DCUN1D3: variants seen among roughly 807,000 people sequenced by gnomAD.
The protein encoded by DCUN1D3 is defective in cullin neddylation 1 domain containing 3.
DCUN1D3 carries 6 observed loss-of-function variants against 24.8 expected under a neutral mutation model. The observed-to-expected ratio is 0.24, with a 90% CI of 0.13 to 0.48. The LOEUF (loss-of-function observed/expected upper bound fraction) is 0.48, where lower values mean the gene tolerates loss of function less well. Ranked by LOEUF, DCUN1D3 falls within the 20% of genes least tolerant of loss-of-function variation. The pLI is 0.99. For missense variants in DCUN1D3, 258 were observed against 379.4 expected (o/e 0.68, Z 2.66); for synonymous variants, 120 against 144.9 (o/e 0.83, Z 1.24).
Position 20,872,473 on chromosome 16 carries a change from TA to T in DCUN1D3, c.-105-9831del, listed in dbSNP as rs539641152. The stretch of plus-strand genomic sequence containing the variant: ...CAACCTCTTAATGTTTGCTAATTCT[TA>T]AAAAAAAAAAAAAAAATCTAAATCC... On this transcript the variant is annotated intron_variant, in intron 1 of 2. Coordinates refer to ENST00000324344, the MANE Select transcript of DCUN1D3 (RefSeq NM_173475.4). Among the ~76,000 whole-genome samples the T allele has an allele frequency of 9.6e-3, 1,319 of 138,082 alleles. 4 individuals carry two copies. The highest frequency in any genetic ancestry group is 0.034 in the South Asian group (151 of 4,382). The allele number at this position is 138,082 out of a possible 152,430, so 90.6% of individuals were successfully genotyped here.
At position 20,860,444 on chromosome 16, in the gene DCUN1D3, A is replaced by G; in HGVS notation, c.432-75T>C. 1.4e-6 allele frequency: 2 copies of G among 1,469,574 alleles called. No homozygotes were observed. The highest frequency in any genetic ancestry group is 1.8e-6 in the Non-Finnish European group (2 of 1,101,786). 91.0% of individuals were successfully genotyped at this position (1,469,574 alleles called of 1,614,324 possible). A position where few individuals can be genotyped will look rare whatever the true frequency, so the allele number is the denominator to read the frequency against. The stretch of plus-strand genomic sequence containing the variant: ...ACAGGCAATATACATAGTGATTAAG[A>G]GCAAGGCTTTCAGGCCAGATGGTCT... On this transcript the variant is annotated intron_variant, in intron 2 of 2. Coordinates refer to ENST00000324344, the MANE Select transcript of DCUN1D3 (RefSeq NM_173475.4). The surrounding 1 kb of genome is among the most constrained non-coding windows in gnomAD (Gnocchi z 4.3).
chr16:20,889,624 T>C (rs1472134599), intron 1 of DCUN1D3, among the ~76,000 whole-genome samples: 2 of 152,210 alleles, frequency 1.3e-5, no homozygotes, highest in African/African-American at 4.8e-5. Context: ...GGTACCCTTA[T>C]TCCGTTACTA....
intron 1 of DCUN1D3, among the ~76,000 whole-genome samples, chr16:20,894,094 C>T (rs1826011845): frequency 6.6e-6 from 1 of 152,078 alleles, no homozygotes; most frequent in South Asian, 2.1e-4. Context: ...CAGCGAAACC[C>T]CATCTCTATT....
intron 1 of DCUN1D3, among the ~76,000 whole-genome samples, chr16:20,883,523 A>T (rs552402000): frequency 6.4e-4 from 97 of 152,162 alleles, no homozygotes; most frequent in African/African-American, 2.2e-3. Context: ...AAAAAAAAAA[A>T]TTTTTGTTCT....
In DCUN1D3 at chr16:20,857,379, C is replaced by T. The variant is rs1431729417; in HGVS notation, c.*2507G>A. 6.6e-6 allele frequency: 1 copy of T among 152,210 alleles called. No homozygotes were observed. Among genetic ancestry groups the T allele is most frequent in the Non-Finnish European group, 1.5e-5 (1 of 68,048 alleles). The allele number at this position is 152,210 out of a possible 1,614,324, so 9.4% of individuals were successfully genotyped here. A position where few individuals can be genotyped will look rare whatever the true frequency, so the allele number is the denominator to read the frequency against. On this transcript the variant is annotated 3_prime_UTR_variant, in exon 3 of 3. Transcript: ENST00000324344. ...ACAACAAAATACATCCACTCTAGTA[C>T]ATCTAATGCACGGAATGTCTTCTTA...
At chr16:20,870,896 G>A (rs1413412979) in intron 1 of DCUN1D3, among the ~76,000 whole-genome samples, 1 of 152,224 alleles carries the variant, frequency 6.6e-6, no homozygotes, top group Non-Finnish European at 1.5e-5. Context: ...CTTTTCTACA[G>A]CTGCCAGGGG....
chr16:20,899,349 A>G (rs1170060531), intron 1 of DCUN1D3, among the ~76,000 whole-genome samples: 1 of 152,240 alleles, frequency 6.6e-6, no homozygotes, highest in Non-Finnish European at 1.5e-5. Context: ...GATTCCTTGC[A>G]AAGGCTCTGG....
chr16:20,868,509 T>C lies in DCUN1D3; in HGVS notation c.-105-5866A>G, dbSNP rs182341080. Among the ~76,000 whole-genome samples the C allele has an allele frequency of 2.1e-3, 325 of 152,390 alleles. 1 individual carries two copies. Among genetic ancestry groups the C allele is most frequent in the Non-Finnish European group, 4.0e-3 (269 of 68,040 alleles). On this transcript the variant is annotated intron_variant, in intron 1 of 2. Coordinates refer to ENST00000324344, the MANE Select transcript of DCUN1D3 (RefSeq NM_173475.4). ...ATGGAACTTTAAATCGAGGCAGTTG[T>C]ACCTCAAAGCACTATTGGGTAGAAT...
intron 1 of DCUN1D3, among the ~76,000 whole-genome samples, chr16:20,879,444 A>G (rs939147544): frequency 6.6e-6 from 1 of 152,240 alleles, no homozygotes; most frequent in Admixed American, 6.5e-5. Flanking sequence ...AGGCTGGTCA[A>G]AGAGGAAATG....
chr16:20,876,427 G>A (rs1309615387), intron 1 of DCUN1D3, among the ~76,000 whole-genome samples: 2 of 114,808 alleles, frequency 1.7e-5, no homozygotes, highest in Non-Finnish European at 4.0e-5. Context: ...CAGTTAAAAT[G>A]GTTATGAAAA....
chr16:20,891,606 A>T (rs2081892692), intron 1 of DCUN1D3, among the ~76,000 whole-genome samples: 1 of 152,128 alleles, frequency 6.6e-6, no homozygotes, highest in African/African-American at 2.4e-5. Context: ...CCGGCCTTCG[A>T]GGGGGCACAG....
intron 1 of DCUN1D3, among the ~76,000 whole-genome samples, chr16:20,882,226 T>C (rs1284589008): frequency 1.3e-5 from 2 of 151,346 alleles, no homozygotes; most frequent in Admixed American, 6.6e-5. Context: ...TCTCTGCCCC[T>C]GAGCACCTTC....
At chr16:20,885,584 G>C (rs533249690) in intron 1 of DCUN1D3, among the ~76,000 whole-genome samples, 1 of 151,872 alleles carries the variant, frequency 6.6e-6, no homozygotes, top group Non-Finnish European at 1.5e-5. Context: ...TCTGAAAGCA[G>C]CTTTTTCGGC....
At chr16:20,880,279 G>A (rs956061628) in intron 1 of DCUN1D3, among the ~76,000 whole-genome samples, 1 of 152,144 alleles carries the variant, frequency 6.6e-6, no homozygotes, top group African/African-American at 2.4e-5. Context: ...GCTCCAAGAA[G>A]ACAGGGAATG....
At chr16:20,875,502 A>C (rs1461149939) in intron 1 of DCUN1D3, among the ~76,000 whole-genome samples, 2 of 152,190 alleles carry the variant, frequency 1.3e-5, no homozygotes, top group Non-Finnish European at 2.9e-5. Flanking sequence ...GCTCACACTT[A>C]ACCATATTCC....
intron 1 of DCUN1D3, among the ~76,000 whole-genome samples, chr16:20,879,391 T>C (rs2081831656): frequency 6.6e-6 from 1 of 152,346 alleles, no homozygotes; most frequent in East Asian, 1.9e-4. Flanking sequence ...ACAAATGAAT[T>C]GCAGCAACAA....
intron 1 of DCUN1D3, among the ~76,000 whole-genome samples, chr16:20,871,035 G>A (rs2081786013): frequency 6.6e-6 from 1 of 152,182 alleles, no homozygotes; most frequent in African/African-American, 2.4e-5. Context: ...GTGTCCATTT[G>A]TAAACTACTT....
intron 1 of DCUN1D3, among the ~76,000 whole-genome samples, chr16:20,876,771 T>TA (rs1369773249): frequency 1.3e-5 from 2 of 152,102 alleles, no homozygotes; most frequent in Non-Finnish European, 2.9e-5. Flanking sequence ...TATTCAGCCA[T>TA]AAAAAAGTAT....
chr16:20,867,699 T>C (rs897234475), intron 1 of DCUN1D3, among the ~76,000 whole-genome samples: 1 of 152,232 alleles, frequency 6.6e-6, no homozygotes, highest in African/African-American at 2.4e-5. Context: ...GTAGTAGTAG[T>C]AGCTCAGTAG....
Sources: allele counts gnomAD v4.1 joint callset (sites outside exome capture counted in the v4.1 genomes callset), GRCh38; gene constraint gnomAD v4.1.1; non-coding constraint Gnocchi (gnomAD v3.1); transcripts MANE v1.5; gene names NCBI Gene and HGNC (gene_info 2026-07-23, HGNC 2026-07-21).